Variants in CMIP observed in about 807,000 individuals in gnomAD.
CMIP encodes C-Maf-inducing protein.
In CMIP, 13 loss-of-function variants were observed where a neutral mutation model predicts 97.3. The ratio of observed to expected loss-of-function variants is 0.13; its 90% CI spans 0.09 to 0.21. CMIP has a LOEUF of 0.21. Ranked by LOEUF, CMIP falls within the 10% of genes least tolerant of loss-of-function variation. The pLI, the probability that CMIP is intolerant of heterozygous loss-of-function variation, is 1.00. For missense variants in CMIP, 847 were observed against 1,024.9 expected (o/e 0.83, Z 2.37); for synonymous variants, 538 against 436.3 (o/e 1.23, Z -2.91).
intron 1 of CMIP, among the ~76,000 whole-genome samples, chr16:81,456,989 G>T (rs1032822298): frequency 2.0e-5 from 3 of 152,138 alleles, no homozygotes; most frequent in African/African-American, 7.2e-5. Flanking sequence ...CAGCCTCCTC[G>T]CCTGAGACCA....
At chr16:81,701,042 T>G (rs73602418) in intron 15 of CMIP, among the ~76,000 whole-genome samples, 1,694 of 150,992 alleles carry the variant, frequency 0.011, 37 homozygotes, top group African/African-American at 0.038. Flanking sequence ...TCCAGCAACT[T>G]GGGATGCTGA....
intron 1 of CMIP, among the ~76,000 whole-genome samples, chr16:81,504,113 G>T (rs1017304710): frequency 1.3e-5 from 2 of 152,212 alleles, no homozygotes; most frequent in Non-Finnish European, 2.9e-5. Context: ...ATCACTTGGG[G>T]TCAGAAGTTT....
At chr16:81,571,416 A>G (rs1290198777) in intron 1 of CMIP, among the ~76,000 whole-genome samples, 10 of 152,014 alleles carry the variant, frequency 6.6e-5, no homozygotes. Flanking sequence ...TGCAGCGAGC[A>G]GGGATCACGT....
At chr16:81,611,114 T>G (rs1002423450) in intron 2 of CMIP, among the ~76,000 whole-genome samples, 1 of 152,138 alleles carries the variant, frequency 6.6e-6, no homozygotes, top group East Asian at 1.9e-4. Context: ...AATTTACTCA[T>G]CAAATTAATA....
intron 1 of CMIP, among the ~76,000 whole-genome samples, chr16:81,498,391 C>T (rs1434220575): frequency 6.6e-6 from 1 of 152,216 alleles, no homozygotes; most frequent in Non-Finnish European, 1.5e-5. Context: ...AGATGCGGCC[C>T]TTGTCCCCCG....
chr16:81,496,024 G>A (rs976572186), intron 1 of CMIP, among the ~76,000 whole-genome samples: 9 of 152,198 alleles, frequency 5.9e-5, no homozygotes, highest in African/African-American at 2.2e-4. Context: ...TTGTTCCAGG[G>A]AAGGGAGAGC....
intron 1 of CMIP, among the ~76,000 whole-genome samples, chr16:81,565,828 C>A (rs1160712802): frequency 6.6e-6 from 1 of 152,220 alleles, no homozygotes; most frequent in East Asian, 1.9e-4. Context: ...GGCGCCGCCT[C>A]CTTCAGGATG....
At chr16:81,698,273 C>T (rs141466799) in intron 14 of CMIP, among the ~76,000 whole-genome samples, 282 of 152,332 alleles carry the variant, frequency 1.9e-3, no homozygotes, top group Middle Eastern at 0.01. Context: ...AATGGGGTGT[C>T]GAGGCCTCCC....
At position 81,634,414 on chromosome 16, in the gene CMIP, C is replaced by G. The variant is rs536312199; in HGVS notation, c.477+13488C>G. Among the ~76,000 whole-genome samples the G allele has an allele frequency of 2.6e-5, 4 of 152,322 alleles. No homozygotes were observed. The East Asian group carries it at 7.7e-4, about 29-fold the overall frequency. On this transcript the variant is annotated intron_variant, in intron 3 of 20. Transcript: ENST00000537098. ...GCTGCCTCCTTCTGTAACCATTTCA[C>G]CTTCTTACTGGGTTTCTCATAGCCT...
At chr16:81,562,625 G>A (rs555533554) in intron 1 of CMIP, among the ~76,000 whole-genome samples, 72 of 152,338 alleles carry the variant, frequency 4.7e-4, no homozygotes, top group African/African-American at 1.5e-3. Flanking sequence ...CATGCCTGGC[G>A]GATGGCCCCA....
At chr16:81,461,752 C>T (rs1408656057) in intron 1 of CMIP, among the ~76,000 whole-genome samples, 2 of 152,188 alleles carry the variant, frequency 1.3e-5, no homozygotes, top group Non-Finnish European at 2.9e-5. Flanking sequence ...GATCTGGGTT[C>T]ACATCCCAGC....
At chr16:81,597,895 C>G (rs2091588953) in intron 1 of CMIP, among the ~76,000 whole-genome samples, 1 of 151,968 alleles carries the variant, frequency 6.6e-6, no homozygotes, top group Non-Finnish European at 1.5e-5. Context: ...AGAGCCGTGT[C>G]CCTCTCCATC....
At chr16:81,702,877 A>G (rs1254594891) in intron 17 of CMIP, among the ~76,000 whole-genome samples, 2 of 152,172 alleles carry the variant, frequency 1.3e-5, no homozygotes, top group Admixed American at 6.5e-5. Context: ...TTAAAATATG[A>G]TACAGATTGT....
chr16:81,707,207 C>G (rs1357545597), intron 20 of CMIP, 123 bp downstream of exon 20: 1 of 780,724 alleles, frequency 1.3e-6, no homozygotes, highest in Non-Finnish European at 2.2e-6. Context: ...CAGATCAATA[C>G]ATAAAATAAT....
At chr16:81,665,316 G>A (rs895936702) in intron 7 of CMIP, 1 of 152,132 alleles carries the variant, frequency 6.6e-6, no homozygotes, top group Non-Finnish European at 1.5e-5. Context: ...TCCACTAAGT[G>A]GCCACAGGGA....
At chr16:81,482,487 G>T (rs1257150665) in intron 1 of CMIP, among the ~76,000 whole-genome samples, 1 of 152,144 alleles carries the variant, frequency 6.6e-6, no homozygotes, top group Non-Finnish European at 1.5e-5. Context: ...ACAGCAGAGG[G>T]CCTTTTAAGT....
intron 1 of CMIP, among the ~76,000 whole-genome samples, chr16:81,449,531 C>G (rs1004642086): frequency 1.3e-5 from 2 of 152,190 alleles, no homozygotes; most frequent in Non-Finnish European, 2.9e-5. Flanking sequence ...AGTCACAGAT[C>G]CCACGAGAAC....
intron 1 of CMIP, among the ~76,000 whole-genome samples, chr16:81,552,813 C>CT (rs1455138140): frequency 6.6e-6 from 1 of 152,214 alleles, no homozygotes; most frequent in Non-Finnish European, 1.5e-5. Context: ...ACCTGCCTTC[C>CT]TCCCTCCCTC....
intron 1 of CMIP, among the ~76,000 whole-genome samples, chr16:81,446,537 G>A (rs1306977111): frequency 6.6e-6 from 1 of 151,978 alleles, no homozygotes; most frequent in East Asian, 1.9e-4. Context: ...CTTGCCGTGG[G>A]GGTCCCATCC....
Sources: gnomAD v4.1 joint callset for allele counts (sites outside exome capture counted in the v4.1 genomes callset) on GRCh38, gnomAD v4.1.1 for gene constraint, MANE v1.5 for transcripts, NCBI Gene and HGNC (gene_info 2026-07-23, HGNC 2026-07-21) for gene names.